Variants in SKAP1 observed in about 807,000 individuals in gnomAD.
SKAP1 encodes src kinase associated phosphoprotein 1, also known as src kinase-associated phosphoprotein 1.
Under a neutral mutation model 58.5 loss-of-function variants are expected in SKAP1, and 44 were observed. That is an observed-to-expected ratio of 0.75 (90% confidence interval 0.59 to 0.97). The LOEUF (loss-of-function observed/expected upper bound fraction) is 0.97, where lower values mean the gene tolerates loss of function less well. Among genes scored for constraint, SKAP1 ranks in the 50% least tolerant of loss-of-function variants. SKAP1 has a pLI of 0.00. For missense variants in SKAP1, 390 were observed against 435.2 expected, an observed-to-expected ratio of 0.90 and a Z score of 0.92; for synonymous variants, 127 against 149.7, an observed-to-expected ratio of 0.85 and a Z score of 1.11.
At chr17:48,288,573 C>T (rs2065861973) in intron 4 of SKAP1, among the ~76,000 whole-genome samples, 2 of 152,212 alleles carry the variant, frequency 1.3e-5, no homozygotes, top group South Asian at 4.1e-4. Flanking sequence ...GTAGTCCCAG[C>T]TACTCGGGAG....
intron 4 of SKAP1, among the ~76,000 whole-genome samples, chr17:48,322,164 C>T (rs2066375852): frequency 6.6e-6 from 1 of 152,196 alleles, no homozygotes; most frequent in Non-Finnish European, 1.5e-5. Flanking sequence ...ATGGATTTTA[C>T]ATTACTTTGT....
At chr17:48,371,688 C>T (rs1191250961) in intron 2 of SKAP1, among the ~76,000 whole-genome samples, 2 of 72,512 alleles carry the variant, frequency 2.8e-5, no homozygotes, top group Non-Finnish European at 5.3e-5. Context: ...AAAAAAAAAG[C>T]CAGGCATGGT....
intron 10 of SKAP1, among the ~76,000 whole-genome samples, chr17:48,167,886 G>A (rs563374730): frequency 6.6e-6 from 1 of 152,276 alleles, no homozygotes; most frequent in East Asian, 1.9e-4. Context: ...GATAGGGAAA[G>A]GTGATAAGTT....
At chr17:48,226,604 G>C (rs2065071707) in intron 4 of SKAP1, among the ~76,000 whole-genome samples, 2 of 152,124 alleles carry the variant, frequency 1.3e-5, no homozygotes, top group Non-Finnish European at 1.5e-5. Flanking sequence ...GGAACCACAG[G>C]TTCAATTCCC....
the SKAP1 span, among the ~76,000 whole-genome samples, chr17:48,442,471 A>C: frequency 1.3e-5 from 2 of 152,140 alleles, no homozygotes; most frequent in Non-Finnish European, 2.9e-5. Context: ...CTGAAGCCTT[A>C]GTTCCATCCT....
At chr17:48,354,807 T>A (rs1015704287) in intron 3 of SKAP1, among the ~76,000 whole-genome samples, 1 of 152,146 alleles carries the variant, frequency 6.6e-6, no homozygotes, top group Non-Finnish European at 1.5e-5. Flanking sequence ...TCAAGCAAAT[T>A]CATTGGGTTT....
intron 4 of SKAP1, among the ~76,000 whole-genome samples, chr17:48,320,861 A>G (rs1052477857): frequency 6.6e-5 from 10 of 152,178 alleles, no homozygotes; most frequent in African/African-American, 2.4e-5. Flanking sequence ...CTCTCATTTA[A>G]CTGTTATGCT....
intron 4 of SKAP1, chr17:48,307,423 AC>A (rs1424176525): frequency 6.6e-6 from 1 of 152,304 alleles, no homozygotes; most frequent in Admixed American, 6.5e-5. Context: ...ACTTGGATCT[AC>A]CAGCAGAGTT....
intron 4 of SKAP1, among the ~76,000 whole-genome samples, chr17:48,226,676 A>T (rs2065072707): frequency 6.6e-6 from 1 of 152,198 alleles, no homozygotes; most frequent in Non-Finnish European, 1.5e-5. Flanking sequence ...TAACAAGCTT[A>T]CTGTGCATAG....
At chr17:48,158,134 G>A (rs73320825) in intron 11 of SKAP1, among the ~76,000 whole-genome samples, 1 of 142,226 alleles carries the variant, frequency 7.0e-6, no homozygotes, top group African/African-American at 2.6e-5. Flanking sequence ...CCAAGATCAT[G>A]CTATCGCACT....
intron 4 of SKAP1, among the ~76,000 whole-genome samples, chr17:48,233,918 T>TC (rs1390009270): frequency 6.6e-6 from 1 of 152,132 alleles, no homozygotes; most frequent in Admixed American, 6.6e-5. Context: ...TCTCTCTGCA[T>TC]CCCCCATGCT....
chr17:48,311,361 C>A (rs1197710274), intron 4 of SKAP1, among the ~76,000 whole-genome samples: 1 of 152,152 alleles, frequency 6.6e-6, no homozygotes, highest in East Asian at 1.9e-4. Context: ...ATTGGGCATC[C>A]CCAGTTCTAT....
intron 11 of SKAP1, among the ~76,000 whole-genome samples, chr17:48,140,102 T>TACTC (rs71356521): frequency 0.019 from 2,956 of 152,290 alleles, 102 homozygotes; most frequent in African/African-American, 0.068. Context: ...TGGGAAAGTT[T>TACTC]ACTCACTCAC....
chr17:48,197,539 A>G (rs2064654382), intron 4 of SKAP1, among the ~76,000 whole-genome samples: 1 of 152,142 alleles, frequency 6.6e-6, no homozygotes, highest in Non-Finnish European at 1.5e-5. Flanking sequence ...AAACAAAAAA[A>G]TTAGTCAGGC....
At chr17:48,174,382 G>A (rs1484533050) in intron 9 of SKAP1, among the ~76,000 whole-genome samples, 1 of 152,180 alleles carries the variant, frequency 6.6e-6, no homozygotes, top group Non-Finnish European at 1.5e-5. Flanking sequence ...ACATAGTGAA[G>A]GAAAACACCA....
chr17:48,170,598 A>G lies in SKAP1; in HGVS notation c.877+11T>C, dbSNP rs760055481. ...CCTACCCAGTGCCTGTGCATTTAGA[A>G]GCTCTTATACCTCCTTTTCGTCGAG... On this transcript the variant is annotated intron_variant, in intron 10 of 12. Coordinates refer to ENST00000336915, the MANE Select transcript of SKAP1 (RefSeq NM_003726.4). 1.9e-5 allele frequency: 30 copies of G among 1,612,092 alleles called. No individual in the cohort carries two copies. Among genetic ancestry groups the G allele is most frequent in the Non-Finnish European group, 2.5e-5 (30 of 1,178,352 alleles).
chr17:48,369,180 T>A (rs200314279), intron 2 of SKAP1, among the ~76,000 whole-genome samples: 11,775 of 121,918 alleles, frequency 0.097, 614 homozygotes, highest in East Asian at 0.21. Flanking sequence ...TAAATAAATA[T>A]AAAATAAAGA....
intron 11 of SKAP1, among the ~76,000 whole-genome samples, chr17:48,139,322 C>G (rs559957735): frequency 6.6e-6 from 1 of 151,226 alleles, no homozygotes; most frequent in African/African-American, 2.4e-5. Context: ...GCTGGGACTA[C>G]AGGTGTGCAC....
intron 4 of SKAP1, among the ~76,000 whole-genome samples, chr17:48,264,260 A>ACAAAATGTATACATATATATGTT: frequency 6.6e-6 from 1 of 152,016 alleles, no homozygotes; most frequent in African/African-American, 2.4e-5. Context: ...ATACATATAT[A>ACAAAATGTATACATATATATGTT]TATACACACA....
Sources: allele counts gnomAD v4.1 joint callset (sites outside exome capture counted in the v4.1 genomes callset), GRCh38; gene constraint gnomAD v4.1.1; transcripts MANE v1.5; gene names NCBI Gene and HGNC (gene_info 2026-07-23, HGNC 2026-07-21).